The following CCDC148 variants were observed in gnomAD, a reference collection of about 807,000 sequenced individuals.
The protein encoded by CCDC148 is coiled-coil domain-containing protein 148.
A neutral mutation model predicts 85.7 loss-of-function variants in CCDC148; 89 were observed. That is an observed-to-expected ratio of 1.04 (90% CI 0.87 to 1.24). The LOEUF (loss-of-function observed/expected upper bound fraction) is 1.24, where lower values mean the gene tolerates loss of function less well. Ranked by LOEUF, CCDC148 falls within the 50% of genes most tolerant of loss-of-function variation. The pLI is 0.00. For missense variants in CCDC148, 692 were observed against 671.7 expected, an observed-to-expected ratio of 1.03 and a Z score of -0.33; for synonymous variants, 230 against 213.9, an observed-to-expected ratio of 1.08 and a Z score of -0.66.
intron 13 of CCDC148, among the ~76,000 whole-genome samples, chr2:158,175,031 G>T (rs893469111): frequency 6.6e-6 from 1 of 151,912 alleles, no homozygotes; most frequent in Non-Finnish European, 1.5e-5. Context: ...GCTTTTCAGC[G>T]CCTGAACCTA....
chr2:158,337,231 T>A (rs1682436457), intron 7 of CCDC148, among the ~76,000 whole-genome samples: 1 of 152,168 alleles, frequency 6.6e-6, no homozygotes, highest in Admixed American at 6.5e-5. Flanking sequence ...CACCACAATC[T>A]CAGCCAGCTT....
chr2:158,390,304 T>A (rs560279715), intron 1 of CCDC148, among the ~76,000 whole-genome samples: 13 of 151,840 alleles, frequency 8.6e-5, no homozygotes, highest in Non-Finnish European at 1.8e-4. Flanking sequence ...CCAAACGACA[T>A]ACCAAGACAC....
At chr2:158,197,308 AATTTGAAGG>A (rs1159768268) in intron 11 of CCDC148, among the ~76,000 whole-genome samples, 2 of 152,136 alleles carry the variant, frequency 1.3e-5, no homozygotes, top group African/African-American at 4.8e-5. Flanking sequence ...ACAGAAGCTG[AATTTGAAGG>A]TAGAGAGTCT....
At chr2:158,452,382 T>C (rs1205666431) in intron 1 of CCDC148, among the ~76,000 whole-genome samples, 1 of 152,238 alleles carries the variant, frequency 6.6e-6, no homozygotes, top group Non-Finnish European at 1.5e-5. Context: ...GTAGATCCTT[T>C]CCTGGTAGTA....
At chr2:158,425,768 G>T (rs904135069) in intron 1 of CCDC148, among the ~76,000 whole-genome samples, 1 of 152,070 alleles carries the variant, frequency 6.6e-6, no homozygotes, top group African/African-American at 2.4e-5. Context: ...TGCTCTTAAG[G>T]CTTCATCTGT....
At chr2:158,400,478 A>G (rs1284610150) in intron 1 of CCDC148, among the ~76,000 whole-genome samples, 2 of 152,246 alleles carry the variant, frequency 1.3e-5, no homozygotes, top group Non-Finnish European at 2.9e-5. Context: ...TATTTAATCA[A>G]TGGTGCTGGG....
At chr2:158,201,925 T>C (rs1685985468) in intron 11 of CCDC148, among the ~76,000 whole-genome samples, 1 of 152,208 alleles carries the variant, frequency 6.6e-6, no homozygotes, top group South Asian at 2.1e-4. Context: ...AGTTAATTCA[T>C]GTCAATGTAG....
chr2:158,220,063 T>C (rs1224494858), intron 11 of CCDC148, among the ~76,000 whole-genome samples: 3 of 152,256 alleles, frequency 2.0e-5, no homozygotes, highest in African/African-American at 7.2e-5. Context: ...TGTACTCATA[T>C]GTAAAATGAG....
intron 11 of CCDC148, among the ~76,000 whole-genome samples, chr2:158,208,388 C>T (rs968487379): frequency 6.6e-6 from 1 of 152,100 alleles, no homozygotes; most frequent in East Asian, 1.9e-4. Context: ...TTGTAGAAAT[C>T]CCCACTGTAA....
At chr2:158,304,263 GA>G (rs1471244751) in intron 9 of CCDC148, among the ~76,000 whole-genome samples, 6 of 152,100 alleles carry the variant, frequency 3.9e-5, no homozygotes, top group Non-Finnish European at 7.4e-5. Flanking sequence ...GAGGGCTAAA[GA>G]AAAGGAAAGC....
Position 158,290,420 on chromosome 2 carries a change from G to T in CCDC148, c.1110+19013C>A, listed in dbSNP as rs138445130. Among the ~76,000 whole-genome samples, 8 of 152,238 alleles carry T rather than the reference G, an allele frequency of 5.3e-5. No homozygotes were observed. The South Asian group carries it at 1.7e-3, about 32-fold the overall frequency. On this transcript the variant is annotated intron_variant, in intron 9 of 13. Coordinates refer to ENST00000283233, the MANE Select transcript of CCDC148 (RefSeq NM_138803.4). ...CAGTTCGACTGTTTAGCCAGAGCACGTCATCCTCTGCTCACTCCAGCCACA... is the reference window on the plus strand; with the variant it reads ...CAGTTCGACTGTTTAGCCAGAGCACTTCATCCTCTGCTCACTCCAGCCACA...
intron 11 of CCDC148, among the ~76,000 whole-genome samples, chr2:158,184,882 C>A (rs1004763873): frequency 2.0e-5 from 3 of 152,094 alleles, no homozygotes; most frequent in African/African-American, 7.2e-5. Flanking sequence ...CAAGCGGAGC[C>A]CCCAAATCTG....
rs531698906 is a variant in CCDC148 at position 158,443,413 on chromosome 2, G to A, written c.25+13002C>T. ...CAGCTACTTAGCAGGCTGAGATGGCGGGATCATTTGAGCCTGGGAGATCAA... is the reference window on the plus strand; with the variant it reads ...CAGCTACTTAGCAGGCTGAGATGGCAGGATCATTTGAGCCTGGGAGATCAA... On this transcript the variant is annotated intron_variant, in intron 1 of 13. Coordinates refer to ENST00000283233, the MANE Select transcript of CCDC148 (RefSeq NM_138803.4). Among the ~76,000 whole-genome samples the A allele has an allele frequency of 1.3e-4, 19 of 150,834 alleles. No individual in the cohort carries two copies. In the East Asian group the frequency reaches 2.4e-3, roughly 19 times the overall value.
chr2:158,347,852 T>C (rs1467221158), intron 2 of CCDC148, among the ~76,000 whole-genome samples: 1 of 152,134 alleles, frequency 6.6e-6, no homozygotes, highest in South Asian at 2.1e-4. Flanking sequence ...TTGAGATATA[T>C]ACATTTTACT....
rs538688021 is a variant in CCDC148, at chr2:158,305,208, G to T, written c.1110+4225C>A. 2.2e-3 allele frequency among the ~76,000 whole-genome samples: 330 copies of T among 152,280 alleles called. 3 individuals are homozygous for T. Among genetic ancestry groups the T allele is most frequent in the Non-Finnish European group, 4.0e-4 (27 of 68,026 alleles). ...GTGGACCCATCACAACTGGGAGAAGGAAATGAAGAAACCATCTTCTCCTGG... is the reference window on the plus strand; with the variant it reads ...GTGGACCCATCACAACTGGGAGAAGTAAATGAAGAAACCATCTTCTCCTGG... On this transcript the variant is annotated intron_variant, in intron 9 of 13. Coordinates refer to ENST00000283233, the MANE Select transcript of CCDC148 (RefSeq NM_138803.4).
chr2:158,280,131 A>G (rs1050479851), intron 9 of CCDC148, among the ~76,000 whole-genome samples: 3 of 152,202 alleles, frequency 2.0e-5, no homozygotes, highest in Non-Finnish European at 4.4e-5. Context: ...AGGAAGCACT[A>G]AACATGGAAA....
At chr2:158,181,266 G>A (rs531186469) in intron 11 of CCDC148, among the ~76,000 whole-genome samples, 3 of 152,284 alleles carry the variant, frequency 2.0e-5, no homozygotes, top group East Asian at 3.9e-4. Context: ...TGACTAGTGA[G>A]GAAGAAATTG....
chr2:158,268,148 A>G (rs992065683), intron 9 of CCDC148, among the ~76,000 whole-genome samples: 2 of 152,180 alleles, frequency 1.3e-5, no homozygotes, highest in African/African-American at 2.4e-5. Context: ...TAACTTTATA[A>G]AAAACTGCCA....
At chr2:158,356,535 C>T (rs1202942018) in intron 2 of CCDC148, among the ~76,000 whole-genome samples, 1 of 152,092 alleles carries the variant, frequency 6.6e-6, no homozygotes, top group African/African-American at 2.4e-5. Context: ...AATGAGATAC[C>T]ATCTCACAAC....
Sources: gnomAD v4.1 joint callset for allele counts (sites outside exome capture counted in the v4.1 genomes callset) on GRCh38, gnomAD v4.1.1 for gene constraint, MANE v1.5 for transcripts, NCBI Gene and HGNC (gene_info 2026-07-23, HGNC 2026-07-21) for gene names.